The following GAD2 variants were observed in gnomAD, a reference collection of about 807,000 sequenced individuals.
GAD2 encodes glutamate decarboxylase 2.
Under a neutral mutation model 80.1 loss-of-function variants are expected in GAD2, and 22 were observed. The ratio of observed to expected loss-of-function variants is 0.27; its 90% confidence interval spans 0.20 to 0.39. The LOEUF (loss-of-function observed/expected upper bound fraction) is 0.39. Ranked by LOEUF, GAD2 falls within the 10% of genes least tolerant of loss-of-function variation. GAD2 has a pLI of 1.00. For missense variants in GAD2, 624 were observed against 738.4 expected (o/e 0.85, Z 1.80); for synonymous variants, 274 against 256.9 (o/e 1.07, Z -0.64).
intron 8 of GAD2, among the ~76,000 whole-genome samples, chr10:26,260,177 A>T (rs566121236): frequency 2.6e-4 from 40 of 152,192 alleles, no homozygotes; most frequent in Non-Finnish European, 5.4e-4. Context: ...TCTTCAATAC[A>T]ATTCTCATTC....
chr10:26,298,342 A>G (rs1465101606), intron 15 of GAD2, among the ~76,000 whole-genome samples: 1 of 152,222 alleles, frequency 6.6e-6, no homozygotes, highest in African/African-American at 2.4e-5. Flanking sequence ...GAGTGAATAT[A>G]CAACGAAGTA....
chr10:26,263,374 C>T (rs56079546), intron 8 of GAD2, among the ~76,000 whole-genome samples: 7,575 of 152,114 alleles, frequency 0.05, 619 homozygotes, highest in African/African-American at 0.17. Flanking sequence ...TTGCAAAGGG[C>T]CTGGTTTTGT....
At chr10:26,280,060 C>T (rs147835562) in intron 11 of GAD2, among the ~76,000 whole-genome samples, 229 of 152,302 alleles carry the variant, frequency 1.5e-3, no homozygotes, top group African/African-American at 5.4e-3. Context: ...GGTGCTCTGG[C>T]CATCACTGGC....
chr10:26,254,487 T>C (rs1470524683), intron 8 of GAD2, among the ~76,000 whole-genome samples: 2 of 152,134 alleles, frequency 1.3e-5, no homozygotes, highest in Non-Finnish European at 1.5e-5. Context: ...TCACCATTAG[T>C]ACTGGTCCGT....
chr10:26,225,807 T>A (rs935175319), intron 6 of GAD2, among the ~76,000 whole-genome samples: 2 of 152,224 alleles, frequency 1.3e-5, no homozygotes, highest in Non-Finnish European at 2.9e-5. Flanking sequence ...GAAGGGAAAA[T>A]TAGCCTTTTA....
intron 12 of GAD2, among the ~76,000 whole-genome samples, chr10:26,281,801 G>A (rs1845275051): frequency 1.3e-5 from 2 of 152,202 alleles, no homozygotes; most frequent in South Asian, 4.2e-4. Flanking sequence ...CGCCAGGCCG[G>A]ACTCATAGTT....
intron 7 of GAD2, among the ~76,000 whole-genome samples, chr10:26,245,484 T>G (rs1844797627): frequency 6.6e-6 from 1 of 151,724 alleles, no homozygotes; most frequent in Admixed American, 6.6e-5. Context: ...GTCTCCCAAG[T>G]TGGAGTGCAA....
At chr10:26,245,153 C>CAAA (rs1229625147) in intron 7 of GAD2, among the ~76,000 whole-genome samples, 18 of 52,340 alleles carry the variant, frequency 3.4e-4, no homozygotes, top group African/African-American at 8.5e-4. Flanking sequence ...AACTCTGTCT[C>CAAA]AAAAAAAAAA....
chr10:26,223,446 C>T (rs8190612), intron 4 of GAD2, among the ~76,000 whole-genome samples: 14,517 of 152,062 alleles, frequency 0.095, 913 homozygotes, highest in Middle Eastern at 0.2. Context: ...ATTCTCAGAA[C>T]GACTACAAAA....
chr10:26,216,996 C>G lies in GAD2; in HGVS notation c.76+111C>G. 2 of 911,728 alleles carry G rather than the reference C, an allele frequency of 2.2e-6. No homozygotes were observed. The highest frequency in any genetic ancestry group is 3.4e-6 in the Non-Finnish European group (2 of 586,322). The allele number at this position is 911,728 out of a possible 1,614,324, so 56.5% of individuals were successfully genotyped here. On this transcript the variant is annotated intron_variant, in intron 1 of 15. Coordinates refer to ENST00000376261, the MANE Select transcript of GAD2 (RefSeq NM_001134366.2). The surrounding 1 kb of genome is among the most constrained non-coding windows in gnomAD (Gnocchi z 4.7). The stretch of plus-strand genomic sequence containing the variant: ...TTCCACCTGCAACAGGAAACTTCTT[C>G]GGGCGCTTCTCCCTGCTTTTGGGCT...
intron 10 of GAD2, among the ~76,000 whole-genome samples, chr10:26,271,744 C>T (rs949006129): frequency 6.6e-6 from 1 of 151,952 alleles, no homozygotes; most frequent in African/African-American, 2.4e-5. Flanking sequence ...AATAATTATT[C>T]AGACCAAATT....
intron 8 of GAD2, among the ~76,000 whole-genome samples, chr10:26,249,851 G>A (rs1166967837): frequency 2.6e-5 from 4 of 152,166 alleles, no homozygotes; most frequent in Admixed American, 6.5e-5. Flanking sequence ...CAGAGGAGTG[G>A]TGGGGGAAAG....
intron 7 of GAD2, among the ~76,000 whole-genome samples, chr10:26,238,866 C>T (rs1844707256): frequency 6.6e-6 from 1 of 152,146 alleles, no homozygotes; most frequent in Non-Finnish European, 1.5e-5. Flanking sequence ...GCTATCATTT[C>T]CCTCAAATCT....
chr10:26,258,998 A>G (rs1185727602), intron 8 of GAD2, among the ~76,000 whole-genome samples: 2 of 152,070 alleles, frequency 1.3e-5, no homozygotes, highest in African/African-American at 4.8e-5. Context: ...TTGTATTTTT[A>G]GTAGAGACAG....
rs549089561 is a variant in GAD2 at position 26,296,532 on chromosome 10, G to A, written c.1584+3541G>A. Among the ~76,000 whole-genome samples the A allele has an allele frequency of 5.3e-5, 8 of 152,286 alleles. No individual in the cohort carries two copies. In the South Asian group the frequency reaches 1.7e-3, roughly 32 times the overall value. On this transcript the variant is annotated intron_variant, in intron 15 of 15. Coordinates refer to ENST00000376261, the MANE Select transcript of GAD2 (RefSeq NM_001134366.2). ...TCAGGACTATGATCTTGCAGATGGC[G>A]CTTTGTCCCTGAGGCAGTGCAGATG...
intron 7 of GAD2, among the ~76,000 whole-genome samples, chr10:26,241,185 G>C (rs1355949340): frequency 1.3e-5 from 2 of 152,106 alleles, no homozygotes; most frequent in African/African-American, 4.8e-5. Flanking sequence ...ATAAGCACTA[G>C]ATTCTATTAT....
intron 11 of GAD2, 77 bp from the exon 12 acceptor site, chr10:26,280,932 A>C: frequency 1.2e-6 from 1 of 866,042 alleles, no homozygotes; most frequent in Non-Finnish European, 2.0e-6. Context: ...CAATACCAAG[A>C]AACTGAAGCT....
Position 26,304,464 on chromosome 10 carries a change from C to A in GAD2, c.*3503C>A, listed in dbSNP as rs1589157728. Reference sequence around the variant, plus strand: ...CATAAAATATACAAACATGTGGCAACCTGTTCTTCCTACCAAATATAAACT... The same window carrying A: ...CATAAAATATACAAACATGTGGCAAACTGTTCTTCCTACCAAATATAAACT... On this transcript the variant is annotated 3_prime_UTR_variant, in exon 16 of 16. Coordinates refer to ENST00000376261, the MANE Select transcript of GAD2 (RefSeq NM_001134366.2). 1 of 152,608 alleles carries A rather than the reference C, an allele frequency of 6.6e-6. No individual in the cohort carries two copies. The highest frequency in any genetic ancestry group is 1.9e-4 in the East Asian group (1 of 5,206). 9.5% of individuals were successfully genotyped at this position (152,608 alleles called of 1,614,324 possible).
rs183187714 is a variant in GAD2 at position 26,287,704 on chromosome 10, A to G, written c.1386+1210A>G. Among the ~76,000 whole-genome samples the G allele has an allele frequency of 3.3e-5, 5 of 152,310 alleles. No homozygotes were observed. In the East Asian group the frequency reaches 9.6e-4, roughly 29 times the overall value. The stretch of plus-strand genomic sequence containing the variant: ...TGTGACAGTTTTTGTTATCTGGTAT[A>G]CAAGGCATGAGAACCCTCTCTTCAT... On this transcript the variant is annotated intron_variant, in intron 13 of 15. Transcript: ENST00000376261.
Sources: gnomAD v4.1 joint callset for allele counts (sites outside exome capture counted in the v4.1 genomes callset) on GRCh38, gnomAD v4.1.1 for gene constraint, Gnocchi (gnomAD v3.1) non-coding constraint, MANE v1.5 for transcripts, NCBI Gene and HGNC (gene_info 2026-07-23, HGNC 2026-07-21) for gene names.